DGKH: variants seen among roughly 807,000 people sequenced by gnomAD.
DGKH encodes the protein diacylglycerol kinase eta, also known as DAG kinase eta.
In DGKH, 90 loss-of-function variants were observed where a neutral mutation model predicts 159.3. That is an observed-to-expected ratio of 0.57 (90% CI 0.48 to 0.67). DGKH has a LOEUF of 0.67. Among genes scored for constraint, DGKH ranks in the 30% least tolerant of loss-of-function variants. The pLI, the probability that DGKH is intolerant of heterozygous loss-of-function variation, is 0.00. For synonymous variants in DGKH, 536 were observed against 553.8 expected (o/e 0.97, Z 0.45); for missense variants, 1,181 against 1,506.1 (o/e 0.78, Z 3.57).
At chr13:42,059,320 G>C (rs1881978425) in intron 1 of DGKH, among the ~76,000 whole-genome samples, 1 of 151,780 alleles carries the variant, frequency 6.6e-6, no homozygotes, top group African/African-American at 2.4e-5. Context: ...CATGATCTCA[G>C]CTCACTGCAG....
rs748683859 is a variant in DGKH at position 42,206,975 on chromosome 13, TTTTCTTTCTTTCTTTCTTTC to T, written c.2601+861_2601+880del. On this transcript the variant is annotated intron_variant, in intron 21 of 29. Transcript: ENST00000337343. ...CACAATACCTTTTGGTACTTTTACT[TTTTCTTTCTTTCTTTCTTTC>T]TTTCTTTCTTTCTTTCTTTCTTTCT... Among the ~76,000 whole-genome samples, 31 of 82,344 alleles carry T rather than the reference TTTTCTTTCTTTCTTTCTTTC, an allele frequency of 3.8e-4. 1 individual carries two copies. Among genetic ancestry groups the T allele is most frequent in the Non-Finnish European group, 4.3e-4 (18 of 41,508 alleles). 54.0% of individuals were successfully genotyped at this position (82,344 alleles called of 152,430 possible).
intron 1 of DGKH, among the ~76,000 whole-genome samples, chr13:42,094,734 T>C (rs1290910212): frequency 1.3e-5 from 2 of 152,180 alleles, no homozygotes; most frequent in Non-Finnish European, 2.9e-5. Flanking sequence ...AATTAATTTT[T>C]GTTTATGCAA....
At chr13:42,214,834 A>G (rs1957748664) in intron 25 of DGKH, among the ~76,000 whole-genome samples, 1 of 151,960 alleles carries the variant, frequency 6.6e-6, no homozygotes, top group African/African-American at 2.4e-5. Context: ...TTCACTTTCA[A>G]TCACTTGTCA....
At chr13:42,187,027 G>A in intron 13 of DGKH, 22 bp from the exon 14 acceptor site, 2 of 1,598,518 alleles carry the variant, frequency 1.3e-6, no homozygotes, top group Non-Finnish European at 1.7e-6. Flanking sequence ...TTACTAAATT[G>A]TACAACTTCT....
intron 29 of DGKH, among the ~76,000 whole-genome samples, chr13:42,251,550 A>G (rs561766331): frequency 6.6e-6 from 1 of 152,288 alleles, no homozygotes; most frequent in Admixed American, 6.5e-5. Context: ...GTCAAAATGA[A>G]AGGAACGCTT....
intron 1 of DGKH, among the ~76,000 whole-genome samples, chr13:42,115,996 T>G (rs1156884741): frequency 6.6e-6 from 1 of 152,176 alleles, no homozygotes; most frequent in Non-Finnish European, 1.5e-5. Context: ...AAATAATGCT[T>G]AGGATGAGGA....
intron 1 of DGKH, among the ~76,000 whole-genome samples, chr13:42,065,098 G>A (rs1043923137): frequency 8.5e-5 from 13 of 152,186 alleles, no homozygotes; most frequent in Admixed American, 1.3e-4. Context: ...GAATCTTGAC[G>A]TGAAGGGCAC....
chr13:42,151,102 GC>G (rs1443254407), intron 3 of DGKH, among the ~76,000 whole-genome samples: 2 of 152,088 alleles, frequency 1.3e-5, no homozygotes, highest in African/African-American at 4.8e-5. Context: ...AAGGAATGGA[GC>G]CCTCCCAACA....
At position 42,159,345 on chromosome 13, in the gene DGKH, G is replaced by A; in HGVS notation, c.702G>A (p.Gly234=). The A allele has an allele frequency of 6.3e-7, 1 of 1,593,276 alleles. No homozygotes were observed. Among genetic ancestry groups the A allele is most frequent in the Non-Finnish European group, 8.6e-7 (1 of 1,168,400 alleles). ...AATGGACTACCCTGGCCTCCATCGG[G>A]AAGGACATTATAGAAGATGAAGATG... ...NCKWTTLASI[G]KDIIEDEDGV... Residue 234 remains glycine, a synonymous_variant, in exon 6 of 30, where the codon GGG becomes GGA. Coordinates refer to ENST00000337343, the MANE Select transcript of DGKH (RefSeq NM_178009.5).
At chr13:42,145,998 G>T (rs1392793397) in intron 3 of DGKH, among the ~76,000 whole-genome samples, 1 of 151,974 alleles carries the variant, frequency 6.6e-6, no homozygotes, top group Non-Finnish European at 1.5e-5. Flanking sequence ...GCCAGTAAAG[G>T]GTGCTAATAA....
At chr13:42,066,331 A>G (rs1593976733) in intron 1 of DGKH, 2 of 152,348 alleles carry the variant, frequency 1.3e-5, no homozygotes, top group South Asian at 4.1e-4. Flanking sequence ...ACATATAATA[A>G]TGGGACATTA....
At chr13:42,204,760 C>T (rs946261562) in intron 20 of DGKH, among the ~76,000 whole-genome samples, 13 of 152,130 alleles carry the variant, frequency 8.5e-5, no homozygotes, top group South Asian at 2.1e-4. Context: ...ACCAGTTTAG[C>T]GAGCTAACTT....
chr13:42,075,497 A>G (rs1954077008), intron 1 of DGKH, among the ~76,000 whole-genome samples: 1 of 152,242 alleles, frequency 6.6e-6, no homozygotes, highest in South Asian at 2.1e-4. Context: ...GTTAATCTGT[A>G]TATAAAATAA....
intron 1 of DGKH, among the ~76,000 whole-genome samples, chr13:42,063,893 C>T (rs981693900): frequency 5.3e-5 from 8 of 151,094 alleles, no homozygotes; most frequent in South Asian, 2.1e-4. Flanking sequence ...GAGCTGAGAT[C>T]GCACCATTGC....
At chr13:42,049,194 G>T (rs1300103590) in intron 1 of DGKH, among the ~76,000 whole-genome samples, 4 of 147,812 alleles carry the variant, frequency 2.7e-5, no homozygotes, top group African/African-American at 9.9e-5. Flanking sequence ...GGGAGGGGTG[G>T]GGCGGGGCCC....
At chr13:42,245,594 T>G (rs1485907164), downstream of DGKH, among the ~76,000 whole-genome samples, 5 of 145,414 alleles carry the variant, frequency 3.4e-5, no homozygotes, top group Admixed American at 6.8e-5. Context: ...AATACTTTTG[T>G]TTTTTTTTTG....
At chr13:42,173,423 T>C (rs1455077987) in intron 11 of DGKH, among the ~76,000 whole-genome samples, 1 of 152,264 alleles carries the variant, frequency 6.6e-6, no homozygotes, top group Non-Finnish European at 1.5e-5. Context: ...TTGAAATTAA[T>C]ACTTGTAGCT....
At chr13:42,194,680 C>G (rs1414001566) in intron 16 of DGKH, among the ~76,000 whole-genome samples, 1 of 152,134 alleles carries the variant, frequency 6.6e-6, no homozygotes, top group Non-Finnish European at 1.5e-5. Flanking sequence ...CTATTTTCTA[C>G]TGATATTCAT....
intron 3 of DGKH, among the ~76,000 whole-genome samples, chr13:42,154,815 C>T (rs575207386): frequency 3.6e-4 from 54 of 151,508 alleles, no homozygotes; most frequent in African/African-American, 1.3e-3. Context: ...CCGAGGGGGG[C>T]GGATCACGAG....
Sources: allele counts gnomAD v4.1 joint callset (sites outside exome capture counted in the v4.1 genomes callset), GRCh38; gene constraint gnomAD v4.1.1; transcripts MANE v1.5; gene names NCBI Gene and HGNC (gene_info 2026-07-23, HGNC 2026-07-21).